Variants in LUC7L2 observed in about 807,000 individuals in gnomAD.
LUC7L2 encodes LUC7 like 2, pre-mRNA splicing factor.
Under a neutral mutation model 52.8 loss-of-function variants are expected in LUC7L2, and 25 were observed. The observed-to-expected ratio is 0.47, with a 90% CI of 0.34 to 0.66. The LOEUF (loss-of-function observed/expected upper bound fraction) is 0.66. Among genes scored for constraint, LUC7L2 ranks in the 30% least tolerant of loss-of-function variants. LUC7L2 has a pLI of 0.01. For missense variants in LUC7L2, 328 were observed against 497.8 expected (o/e 0.66, Z 3.25); for synonymous variants, 144 against 160.9 (o/e 0.89, Z 0.80).
chr7:139,359,760 C>G, upstream of LUC7L2: 2 of 400,766 alleles, frequency 5.0e-6, no homozygotes, highest in Non-Finnish European at 8.8e-6. Context: ...GGTAAAGGGG[C>G]GGGAGGAGCG....
At chr7:139,341,576 G>A in intron 1 of LUC7L2, 2 of 1,591,590 alleles carry the variant, frequency 1.3e-6, no homozygotes, top group Non-Finnish European at 1.7e-6. Context: ...GGAAGAGCCG[G>A]GTCTGGGCTA....
At position 139,423,061 on chromosome 7, in the gene LUC7L2, A is replaced by G; in HGVS notation, c.*721A>G. The G allele has an allele frequency of 2.5e-6, 1 of 398,920 alleles. No homozygotes were observed. Among genetic ancestry groups the G allele is most frequent in the East Asian group, 3.6e-5 (1 of 28,076 alleles). 24.7% of individuals were successfully genotyped at this position (398,920 alleles called of 1,614,324 possible). ...GGTGGGGGCAGGGACTCTTTTCGTA[A>G]TAAGCACTTGTTTTATTTTGTGTGT... On this transcript the variant is annotated 3_prime_UTR_variant, in exon 10 of 10. Transcript: ENST00000354926.
chr7:139,360,474 A>G (rs1207275836), intron 1 of LUC7L2, 152 bp downstream of exon 1: 5 of 655,078 alleles, frequency 7.6e-6, no homozygotes, highest in Non-Finnish European at 1.0e-5. Flanking sequence ...CCATCCAATC[A>G]GGGCTCGGCA....
At chr7:139,361,750 A>G (rs1417390801) in intron 1 of LUC7L2, among the ~76,000 whole-genome samples, 1 of 142,052 alleles carries the variant, frequency 7.0e-6, no homozygotes, top group Non-Finnish European at 1.5e-5. Context: ...AGCATGTCTT[A>G]ACATTCCTCC....
rs1369887729 is a variant in LUC7L2, at chr7:139,383,094, T to TTTTGTA, written c.156+6948_156+6953dup. Among the ~76,000 whole-genome samples the TTTTGTA allele has an allele frequency of 9.9e-5, 15 of 151,710 alleles. No homozygotes were observed. In the East Asian group the frequency reaches 2.9e-3, roughly 30 times the overall value. On this transcript the variant is annotated intron_variant, in intron 2 of 9. Transcript: ENST00000354926. ...GCGCATGCCACCATGCCTGGCTAAT[T>TTTTGTA]TTTGTATTTGTATTTTTATTTTATT... is the stretch of plus-strand genomic sequence containing the variant.
At chr7:139,404,818 A>T (rs1795051034) in intron 4 of LUC7L2, among the ~76,000 whole-genome samples, 2 of 152,220 alleles carry the variant, frequency 1.3e-5, no homozygotes, top group South Asian at 4.1e-4. Flanking sequence ...ATTTCTCACA[A>T]CTTTGTGGGA....
intron 2 of LUC7L2, 39 bp from the exon 3 acceptor site, chr7:139,398,560 T>C (rs761235355): frequency 6.6e-7 from 1 of 1,506,736 alleles, no homozygotes; most frequent in Non-Finnish European, 8.9e-7. Flanking sequence ...TTTAAAAAAC[T>C]TTTTTTTGTT....
rs71169090 is a variant in LUC7L2 at position 139,399,449 on chromosome 7, A to ATTTTTTT, written c.255+784_255+790dup. 3.8e-3 allele frequency among the ~76,000 whole-genome samples: 193 copies of ATTTTTTT among 50,460 alleles called. 32 individuals are homozygous for ATTTTTTT. Among genetic ancestry groups the ATTTTTTT allele is most frequent in the Non-Finnish European group, 5.8e-3 (152 of 26,118 alleles). 33.1% of individuals were successfully genotyped at this position (50,460 alleles called of 152,430 possible). ...GGACATGCATATGGGTGTTTGGGGG[A>ATTTTTTT]TTTTTTTTTTTTTTTTTTTTTTTTT... On this transcript the variant is annotated intron_variant, in intron 3 of 9. Transcript: ENST00000354926.
At chr7:139,370,570 A>C (rs1292159273) in intron 1 of LUC7L2, among the ~76,000 whole-genome samples, 1 of 152,004 alleles carries the variant, frequency 6.6e-6, no homozygotes, top group Non-Finnish European at 1.5e-5. Flanking sequence ...CGATTCTCCC[A>C]CCCCAGCCTC....
At chr7:139,404,328 G>T (rs1010582618) in intron 4 of LUC7L2, among the ~76,000 whole-genome samples, 1 of 152,132 alleles carries the variant, frequency 6.6e-6, no homozygotes, top group South Asian at 2.1e-4. Flanking sequence ...TGGCCACCAT[G>T]GTGAAACCCT....
At chr7:139,400,615 A>G (rs1330920520) in intron 3 of LUC7L2, among the ~76,000 whole-genome samples, 1 of 152,106 alleles carries the variant, frequency 6.6e-6, no homozygotes. Flanking sequence ...TTTTGGCTTC[A>G]TTTTATAGAC....
chr7:139,396,311 C>T (rs988603803), intron 2 of LUC7L2, among the ~76,000 whole-genome samples: 8 of 151,350 alleles, frequency 5.3e-5, no homozygotes, highest in Non-Finnish European at 8.8e-5. Context: ...TGGCGGGGGA[C>T]GGTGGTCCCA....
At chr7:139,415,712 C>G (rs1025870673) in intron 8 of LUC7L2, among the ~76,000 whole-genome samples, 1 of 150,740 alleles carries the variant, frequency 6.6e-6, no homozygotes, top group Non-Finnish European at 1.5e-5. Context: ...TCAGGCTGGT[C>G]TTGAACTCCT....
intron 2 of LUC7L2, among the ~76,000 whole-genome samples, chr7:139,387,300 TCTCCTGC>T (rs1429357363): frequency 6.6e-6 from 1 of 151,830 alleles, no homozygotes; most frequent in Non-Finnish European, 1.5e-5. Flanking sequence ...TTCACGCCAT[TCTCCTGC>T]CTCAGCCTCC....
At chr7:139,401,694 C>G (rs1217655994) in intron 3 of LUC7L2, among the ~76,000 whole-genome samples, 1 of 151,398 alleles carries the variant, frequency 6.6e-6, no homozygotes, top group African/African-American at 2.4e-5. Flanking sequence ...TTCAGGTGAT[C>G]TACCTGCTTC....
chr7:139,354,816 C>T (rs1799560559), intron 1 of LUC7L2, among the ~76,000 whole-genome samples: 1 of 143,048 alleles, frequency 7.0e-6, no homozygotes, highest in East Asian at 2.0e-4. Flanking sequence ...AATTCAATCC[C>T]AAAAGTGAAT....
rs530263051 is a variant in LUC7L2 at position 139,364,911 on chromosome 7, C to T, written c.61+4589C>T. Among the ~76,000 whole-genome samples, 55 of 152,266 alleles carry T rather than the reference C, an allele frequency of 3.6e-4. 1 individual carries two copies. Among genetic ancestry groups the T allele is most frequent in the Admixed American group, 3.4e-3 (52 of 15,302 alleles). On this transcript the variant is annotated intron_variant, in intron 1 of 9. Coordinates refer to ENST00000354926, the MANE Select transcript of LUC7L2 (RefSeq NM_016019.5). ...ATTTCTTGGTCAGTTGTGAGCCATT[C>T]TTTTATTCCACTTGGATTGTTCATT...
At chr7:139,375,935 A>T in intron 1 of LUC7L2, 127 bp from the exon 2 acceptor site, 1 of 904,832 alleles carries the variant, frequency 1.1e-6, no homozygotes, top group East Asian at 2.7e-5. Context: ...TATAAAAACT[A>T]ATCCCTCTTG....
chr7:139,380,938 CAG>C (rs1338315704), intron 2 of LUC7L2, among the ~76,000 whole-genome samples: 1 of 152,086 alleles, frequency 6.6e-6, no homozygotes, highest in Non-Finnish European at 1.5e-5. Context: ...AAGATGTTAA[CAG>C]AAACTTGAAA....
Sources: allele counts gnomAD v4.1 joint callset (sites outside exome capture counted in the v4.1 genomes callset), GRCh38; gene constraint gnomAD v4.1.1; transcripts MANE v1.5; gene names NCBI Gene and HGNC (gene_info 2026-07-23, HGNC 2026-07-21).